The following TBC1D4 variants were observed in gnomAD, a reference collection of about 807,000 sequenced individuals.
TBC1D4 encodes TBC1 domain family member 4.
In TBC1D4, 121 loss-of-function variants were observed where a neutral mutation model predicts 142.5. That is an observed-to-expected ratio of 0.85 (90% CI 0.73 to 0.99). The LOEUF (loss-of-function observed/expected upper bound fraction) is 0.99. TBC1D4 is among the 50% of genes least tolerant of loss of function. The pLI is 0.00. For synonymous variants in TBC1D4, 630 were observed against 628.2 expected (o/e 1.00, Z -0.04); for missense variants, 1,475 against 1,606.6 (o/e 0.92, Z 1.40).
At position 75,417,294 on chromosome 13, in the gene TBC1D4, G is replaced by T. The variant is rs189023183; in HGVS notation, c.499-54687C>A. ...TTCCCAAATCTCCTTCCAGCCTCATGTGCAGGCTGAAGGTGTGTGCTGAGC... is the reference window on the plus strand; with the variant it reads ...TTCCCAAATCTCCTTCCAGCCTCATTTGCAGGCTGAAGGTGTGTGCTGAGC... On this transcript the variant is annotated intron_variant, in intron 1 of 20. Transcript: ENST00000377636. Among the ~76,000 whole-genome samples, 509 of 152,210 alleles carry T rather than the reference G, an allele frequency of 3.3e-3. 10 individuals carry two copies. The highest frequency in any genetic ancestry group is 0.012 in the African/African-American group (489 of 41,522).
rs1448342625 is a variant in TBC1D4, at chr13:75,283,650, T to C, written c.*3142A>G. ...GGAAAATTTTGTATTTTCTTGTGGC[T>C]CTCTCTCCCTTGCTATCTATGAGGG... On this transcript the variant is annotated 3_prime_UTR_variant, in exon 21 of 21. Coordinates refer to ENST00000377636, the MANE Select transcript of TBC1D4 (RefSeq NM_014832.5). Among the ~76,000 whole-genome samples, 2 of 152,180 alleles carry C rather than the reference T, an allele frequency of 1.3e-5. No individual in the cohort carries two copies. The highest frequency in any genetic ancestry group is 3.9e-4 in the East Asian group (2 of 5,194).
At position 75,440,938 on chromosome 13, in the gene TBC1D4, G is replaced by A. The variant is rs913257935; in HGVS notation, c.498+40332C>T. Among the ~76,000 whole-genome samples, 8 of 152,036 alleles carry A rather than the reference G, an allele frequency of 5.3e-5. 1 individual carries two copies. Among genetic ancestry groups the A allele is most frequent in the Admixed American group, 6.6e-5 (1 of 15,256 alleles). ...ATTTACCTTCTTTCAGGCTGGTGCT[G>A]TGCTAAATGCTATGTGATTTTTTTA... On this transcript the variant is annotated intron_variant, in intron 1 of 20. Coordinates refer to ENST00000377636, the MANE Select transcript of TBC1D4 (RefSeq NM_014832.5).
intron 19 of TBC1D4, among the ~76,000 whole-genome samples, chr13:75,291,390 T>C (rs1031364773): frequency 3.3e-4 from 50 of 152,210 alleles, no homozygotes; most frequent in African/African-American, 1.2e-3. Flanking sequence ...ATCCTCCACT[T>C]AGCTCCTCTG....
intron 1 of TBC1D4, among the ~76,000 whole-genome samples, chr13:75,421,497 G>A (rs1386890150): frequency 1.3e-5 from 2 of 152,080 alleles, no homozygotes; most frequent in Non-Finnish European, 2.9e-5. Flanking sequence ...TAATTCTTTG[G>A]AGTATATTTA....
intron 1 of TBC1D4, among the ~76,000 whole-genome samples, chr13:75,462,247 G>T (rs529347440): frequency 6.6e-6 from 1 of 152,058 alleles, no homozygotes; most frequent in Non-Finnish European, 1.5e-5. Flanking sequence ...ACAGCAAATG[G>T]ACCAGAGGAA....
intron 5 of TBC1D4, among the ~76,000 whole-genome samples, chr13:75,343,890 G>A (rs559149587): frequency 6.6e-6 from 1 of 151,820 alleles, no homozygotes; most frequent in East Asian, 1.9e-4. Flanking sequence ...ACCTAGGCTG[G>A]AATGCAATGG....
intron 1 of TBC1D4, among the ~76,000 whole-genome samples, chr13:75,480,762 C>A (rs970315309): frequency 2.0e-5 from 3 of 152,202 alleles, no homozygotes; most frequent in Non-Finnish European, 2.9e-5. Context: ...GGTGCTGCTG[C>A]GAAGATGACG....
chr13:75,441,973 G>A (rs552914509), intron 1 of TBC1D4, among the ~76,000 whole-genome samples: 11 of 152,142 alleles, frequency 7.2e-5, no homozygotes, highest in South Asian at 2.1e-4. Context: ...CTCAATTAAC[G>A]TGCTGAAGAC....
chr13:75,405,268 G>GTTT (rs1593849956), intron 1 of TBC1D4, among the ~76,000 whole-genome samples: 1 of 82,756 alleles, frequency 1.2e-5, no homozygotes, highest in African/African-American at 3.3e-5. Flanking sequence ...ATGTATATAT[G>GTTT]CTTTTTTTTT....
intron 11 of TBC1D4, among the ~76,000 whole-genome samples, chr13:75,322,368 A>C (rs1215091859): frequency 6.6e-6 from 1 of 152,202 alleles, no homozygotes; most frequent in Non-Finnish European, 1.5e-5. Flanking sequence ...AAAACAACAC[A>C]GCTACAAAAA....
chr13:75,384,205 G>A (rs1468702703), intron 1 of TBC1D4, among the ~76,000 whole-genome samples: 7 of 152,172 alleles, frequency 4.6e-5, no homozygotes, highest in Admixed American at 2.0e-4. Context: ...GGAGGCTGAG[G>A]CGGGCAGATC....
chr13:75,315,913 AT>A (rs1194081768), intron 12 of TBC1D4, among the ~76,000 whole-genome samples: 1 of 152,102 alleles, frequency 6.6e-6, no homozygotes, highest in Non-Finnish European at 1.5e-5. Flanking sequence ...CAAAAAGCAT[AT>A]TTTTTCTAGT....
intron 15 of TBC1D4, among the ~76,000 whole-genome samples, chr13:75,303,907 A>G (rs892787417): frequency 6.6e-6 from 1 of 152,108 alleles, no homozygotes; most frequent in Non-Finnish European, 1.5e-5. Flanking sequence ...TTGTACGTCT[A>G]TTCATCTTTC....
intron 8 of TBC1D4, among the ~76,000 whole-genome samples, chr13:75,328,662 G>A (rs577650947): frequency 6.6e-6 from 1 of 152,238 alleles, no homozygotes; most frequent in African/African-American, 2.4e-5. Context: ...AGAGCATGTG[G>A]CGAAGTTCTA....
rs1395683271 is a variant in TBC1D4 at position 75,302,296 on chromosome 13, T to C, written c.2858A>G (p.Lys953Arg). 6.2e-7 allele frequency: 1 copy of C among 1,614,238 alleles called. No homozygotes were observed. Among genetic ancestry groups the C allele is most frequent in the Non-Finnish European group, 8.5e-7 (1 of 1,180,038 alleles). Residue 953 changes from lysine to arginine, a missense_variant, in exon 16 of 21, where the codon AAG (lysine) becomes AGG (arginine). Around this residue, in one of 2 missense-constraint regions of TBC1D4, gnomAD observed 1,227 missense variants for 1,267.7 expected, o/e 0.97. Transcript: ENST00000377636. ...NKQQPPDISY[K>R]ELLKQLTAQQ... ...AGCAGTGAGCTGCTTCAAAAGTTCC[T>C]TATAGGATATGTCAGGAGGCTGTTG...
rs373166611 is a variant in TBC1D4 at position 75,472,691 on chromosome 13, G to A, written c.498+8579C>T. On this transcript the variant is annotated intron_variant, in intron 1 of 20. Coordinates refer to ENST00000377636, the MANE Select transcript of TBC1D4 (RefSeq NM_014832.5). ...AGAAAGAAATCCAATCAGGCAAGTA[G>A]TGCACAATCTGTAAAGAGTTAGGCA... Among the ~76,000 whole-genome samples the A allele has an allele frequency of 4.6e-4, 70 of 152,210 alleles. No homozygotes were observed. In the South Asian group the frequency reaches 0.014, roughly 30 times the overall value.
chr13:75,332,622 T>A (rs1354016416), intron 8 of TBC1D4, among the ~76,000 whole-genome samples: 3 of 152,142 alleles, frequency 2.0e-5, no homozygotes, highest in East Asian at 1.9e-4. Context: ...ATTAAGTAGG[T>A]CTGGGGTGAG....
intron 1 of TBC1D4, 124 bp downstream of exon 1, chr13:75,481,146 T>G: frequency 5.0e-6 from 7 of 1,393,590 alleles, no homozygotes; most frequent in Admixed American, 2.6e-5. Context: ...GCGCGCCACG[T>G]GGAGCGCGCG....
chr13:75,405,854 C>T (rs1480902006), intron 1 of TBC1D4, among the ~76,000 whole-genome samples: 1 of 152,080 alleles, frequency 6.6e-6, no homozygotes, highest in African/African-American at 2.4e-5. Context: ...TTTGAGTAAA[C>T]TTCTAGCATG....
Sources: allele counts gnomAD v4.1 joint callset (sites outside exome capture counted in the v4.1 genomes callset), GRCh38; gene constraint gnomAD v4.1.1; regional missense constraint gnomAD v4.1.1; transcripts MANE v1.5; gene names NCBI Gene and HGNC (gene_info 2026-07-23, HGNC 2026-07-21).